Variants in GRM7 observed in about 807,000 individuals in gnomAD.
GRM7 encodes the protein glutamate metabotropic receptor 7, also known as metabotropic glutamate receptor 7.
A neutral mutation model predicts 84.5 loss-of-function variants in GRM7; 35 were observed. The observed-to-expected ratio is 0.41, with a 90% CI of 0.32 to 0.55. The LOEUF (loss-of-function observed/expected upper bound fraction) is 0.55. Among genes scored for constraint, GRM7 ranks in the 20% least tolerant of loss-of-function variants. GRM7 has a pLI of 0.19. For synonymous variants in GRM7, 487 were observed against 455.1 expected (o/e 1.07, Z -0.89); for missense variants, 1,003 against 1,194.6 (o/e 0.84, Z 2.36).
At chr3:7,602,857 G>C (rs910126964) in intron 8 of GRM7, among the ~76,000 whole-genome samples, 2 of 152,144 alleles carry the variant, frequency 1.3e-5, no homozygotes, top group Admixed American at 6.6e-5. Context: ...CCACTGATTA[G>C]TAATTATTTT....
intron 2 of GRM7, among the ~76,000 whole-genome samples, chr3:7,174,242 C>A (rs369675526): frequency 1.3e-5 from 2 of 152,042 alleles, no homozygotes; most frequent in African/African-American, 4.8e-5. Flanking sequence ...ATTAGAAGAT[C>A]GTGAGTATCA....
rs570938827 is a variant in GRM7 at position 7,256,959 on chromosome 3, G to A, written c.737-41725G>A. Among the ~76,000 whole-genome samples, 5 of 152,294 alleles carry A rather than the reference G, an allele frequency of 3.3e-5. No individual in the cohort carries two copies. The South Asian group carries it at 1.0e-3, about 32-fold the overall frequency. ...TCGAAAGATTACTAGAATTTGCTAG[G>A]TAGAAAAGATGAGAATTTCATTTCA... On this transcript the variant is annotated intron_variant, in intron 2 of 9. Coordinates refer to ENST00000357716, the MANE Select transcript of GRM7 (RefSeq NM_000844.4).
chr3:7,345,095 G>T (rs1692830502), intron 4 of GRM7, among the ~76,000 whole-genome samples: 1 of 151,998 alleles, frequency 6.6e-6, no homozygotes, highest in South Asian at 2.1e-4. Flanking sequence ...AAAAAGGTAA[G>T]ATGAAAAATC....
intron 1 of GRM7, among the ~76,000 whole-genome samples, chr3:7,008,682 G>T (rs762156215): frequency 3.3e-5 from 5 of 152,176 alleles, no homozygotes; most frequent in Non-Finnish European, 7.3e-5. Context: ...AATTCCAAAT[G>T]AAGTACTAGT....
intron 7 of GRM7, among the ~76,000 whole-genome samples, chr3:7,574,875 T>C (rs1694883476): frequency 6.6e-6 from 1 of 152,224 alleles, no homozygotes; most frequent in African/African-American, 2.4e-5. Flanking sequence ...GGGTGTGCTG[T>C]ACACCCCGGG....
At chr3:7,351,562 T>C (rs1031826745) in intron 4 of GRM7, among the ~76,000 whole-genome samples, 1 of 151,956 alleles carries the variant, frequency 6.6e-6, no homozygotes, top group Non-Finnish European at 1.5e-5. Flanking sequence ...GATTGACTTA[T>C]GAATGAGTGG....
At position 6,862,300 on chromosome 3, in the gene GRM7, T is replaced by C. The variant is rs2124925420; in HGVS notation, c.519+393T>C. The stretch of plus-strand genomic sequence containing the variant: ...GGAATAGGAAAGATGAGACGATGCC[T>C]GGAAACCGGGCATTTCCCAACTCCC... On this transcript the variant is annotated intron_variant, in intron 1 of 9. Coordinates refer to ENST00000357716, the MANE Select transcript of GRM7 (RefSeq NM_000844.4). This position sits in a 1 kb window ranked among gnomAD's most constrained non-coding sequence, Gnocchi z 5.2. 6.6e-6 allele frequency among the ~76,000 whole-genome samples: 1 copy of C among 152,188 alleles called. No homozygotes were observed. Among genetic ancestry groups the C allele is most frequent in the South Asian group, 2.1e-4 (1 of 4,822 alleles).
At chr3:7,036,558 G>A (rs1696392573) in intron 1 of GRM7, among the ~76,000 whole-genome samples, 1 of 151,934 alleles carries the variant, frequency 6.6e-6, no homozygotes, top group Non-Finnish European at 1.5e-5. Flanking sequence ...GAAATGATGG[G>A]GTATAGTCCA....
chr3:7,064,479 T>TATATATATATATATATATATATATAC, intron 1 of GRM7, among the ~76,000 whole-genome samples: 3 of 99,376 alleles, frequency 3.0e-5, no homozygotes, highest in African/African-American at 1.2e-4. Context: ...TATATATATA[T>TATATATATATATATATATATATATAC]ACACACATAT....
intron 1 of GRM7, among the ~76,000 whole-genome samples, chr3:7,124,925 C>T (rs778417566): frequency 6.6e-6 from 1 of 152,064 alleles, no homozygotes; most frequent in Non-Finnish European, 1.5e-5. Flanking sequence ...TATTACTATG[C>T]TAGTCTAAGA....
Position 7,047,529 on chromosome 3 carries a change from A to T in GRM7, c.520-98923A>T, listed in dbSNP as rs1167466842. Among the ~76,000 whole-genome samples, 3 of 152,114 alleles carry T rather than the reference A, an allele frequency of 2.0e-5. No individual in the cohort carries two copies. In the East Asian group the frequency reaches 5.8e-4, roughly 29 times the overall value. Reference sequence around the variant, plus strand: ...CCCCAGGCCACACAGCAAATTAATGACAAAGTCAAAATAAACTTCCAGGCC... The same window carrying T: ...CCCCAGGCCACACAGCAAATTAATGTCAAAGTCAAAATAAACTTCCAGGCC... On this transcript the variant is annotated intron_variant, in intron 1 of 9. Transcript: ENST00000357716.
rs1695070499 is a variant in GRM7 at position 7,578,496 on chromosome 3, A to G, written c.1590A>G (p.Gly530=). ...ASVCTLPCKP[G]QRKKTQKGTP... The stretch of plus-strand genomic sequence containing the variant: ...TGTGCACACTACCATGTAAGCCAGG[A>G]CAGAGAAAGAAGACACAGAAAGGAA... Residue 530 remains glycine, a synonymous_variant, in exon 8 of 10, where the codon GGA becomes GGG. Transcript: ENST00000357716. 1.1e-5 allele frequency: 18 copies of G among 1,614,002 alleles called. No individual in the cohort carries two copies. Among genetic ancestry groups the G allele is most frequent in the Non-Finnish European group, 1.5e-5 (18 of 1,179,888 alleles).
chr3:7,397,446 G>C (rs953567047), intron 4 of GRM7, among the ~76,000 whole-genome samples: 42 of 151,840 alleles, frequency 2.8e-4, no homozygotes, highest in African/African-American at 1.0e-3. Context: ...ATAATTAATG[G>C]GTATAAAAAT....
intron 1 of GRM7, among the ~76,000 whole-genome samples, chr3:6,927,463 GAGAAAGAAAGAAAGAAAGAAAGAA>G (rs796767040): frequency 6.4e-5 from 6 of 93,300 alleles, no homozygotes; most frequent in South Asian, 3.5e-4. Context: ...GAAAGAGAGA[GAGAAAGAAAGAAAGAAAGAAAGAA>G]AGAAAGAAAG....
chr3:7,061,640 C>A (rs186966230), intron 1 of GRM7, among the ~76,000 whole-genome samples: 2 of 151,628 alleles, frequency 1.3e-5, no homozygotes, highest in Admixed American at 1.3e-4. Flanking sequence ...AATGAAAGAG[C>A]AAATTAAGGA....
At chr3:7,507,948 C>A (rs946915984) in intron 7 of GRM7, among the ~76,000 whole-genome samples, 22 of 152,112 alleles carry the variant, frequency 1.4e-4, no homozygotes, top group Admixed American at 1.4e-3. Flanking sequence ...TTTCTTTGGG[C>A]AATCACTCCT....
intron 2 of GRM7, among the ~76,000 whole-genome samples, chr3:7,150,632 A>G (rs1270786093): frequency 6.6e-6 from 1 of 152,236 alleles, no homozygotes; most frequent in East Asian, 1.9e-4. Flanking sequence ...ATATTTGCAT[A>G]AATTGCCCTG....
intron 1 of GRM7, among the ~76,000 whole-genome samples, chr3:6,910,479 T>C (rs967159445): frequency 3.3e-5 from 5 of 152,230 alleles, no homozygotes; most frequent in Admixed American, 6.6e-5. Context: ...ACACAGGCAG[T>C]GTGCAAGGTT....
chr3:7,190,751 A>G (rs957148665), intron 2 of GRM7, among the ~76,000 whole-genome samples: 2 of 152,066 alleles, frequency 1.3e-5, no homozygotes, highest in African/African-American at 2.4e-5. Context: ...GAGAGCACCC[A>G]GTGTGTTTGA....
Sources: allele counts gnomAD v4.1 joint callset (sites outside exome capture counted in the v4.1 genomes callset), GRCh38; gene constraint gnomAD v4.1.1; non-coding constraint Gnocchi (gnomAD v3.1); transcripts MANE v1.5; gene names NCBI Gene and HGNC (gene_info 2026-07-23, HGNC 2026-07-21).